The following RERE variants were observed in gnomAD, a reference collection of about 807,000 sequenced individuals.
The protein encoded by RERE is arginine-glutamic acid dipeptide repeats protein.
Under a neutral mutation model 146.1 loss-of-function variants are expected in RERE, and 40 were observed. The ratio of observed to expected loss-of-function variants is 0.27; its 90% CI spans 0.21 to 0.36. RERE has a LOEUF of 0.36. Among genes scored for constraint, RERE ranks in the 10% least tolerant of loss-of-function variants. The probability of loss-of-function intolerance (pLI) is 1.00; values close to 1 mark genes in which losing one functional copy is unlikely to be tolerated. For missense variants in RERE, 1,933 were observed against 2,138.7 expected, an observed-to-expected ratio of 0.90 and a Z score of 1.90; for synonymous variants, 1,003 against 866.0, an observed-to-expected ratio of 1.16 and a Z score of -2.78.
At position 8,360,858 on chromosome 1, in the gene RERE, G is replaced by C. The variant is rs998501260; in HGVS notation, c.2649C>G (p.Ala883=). The change falls in exon 18 of 23, where the codon GCC becomes GCG. Residue 883 remains alanine, a synonymous_variant. Coordinates refer to ENST00000400908, the MANE Select transcript of RERE (RefSeq NM_001042681.2). Reference sequence around the variant, plus strand: ...CTGCTGCTGGGGAGGTCCCCAGAGGGGCCTGGCCTTGGGAGGCCTGGGGAG... The same window carrying C: ...CTGCTGCTGGGGAGGTCCCCAGAGGCGCCTGGCCTTGGGAGGCCTGGGGAG... ...GLPPQASQGQ[A]PLGTSPAAAY... The C allele has an allele frequency of 1.3e-6, 2 of 1,534,848 alleles. No individual in the cohort carries two copies. Among genetic ancestry groups the C allele is most frequent in the Non-Finnish European group, 1.7e-6 (2 of 1,146,364 alleles).
chr1:8,541,156 C>A, intron 7 of RERE, 58 bp downstream of exon 7: 2 of 946,078 alleles, frequency 2.1e-6, no homozygotes. Context: ...CATACACACA[C>A]ACACAAATGA....
Position 8,371,759 on chromosome 1 carries a change from C to T in RERE, c.1285-5785G>A, listed in dbSNP as rs757018752. On this transcript the variant is annotated intron_variant, in intron 12 of 22. Transcript: ENST00000400908. ...CAATCTGGGCTGGAGCAACAGGGGCCGGGGCTGCCTACCTCCTAGAGGCTG... is the reference window on the plus strand; with the variant it reads ...CAATCTGGGCTGGAGCAACAGGGGCTGGGGCTGCCTACCTCCTAGAGGCTG... Among the ~76,000 whole-genome samples the T allele has an allele frequency of 3.3e-4, 50 of 152,334 alleles. No individual in the cohort carries two copies. In the Middle Eastern group the frequency reaches 0.01, roughly 31 times the overall value.
chr1:8,757,041 G>T (rs1235433923), intron 1 of RERE, among the ~76,000 whole-genome samples: 1 of 137,480 alleles, frequency 7.3e-6, no homozygotes, highest in African/African-American at 2.7e-5. Flanking sequence ...ATTGAGCCGA[G>T]ATTGTGCCAT....
At position 8,423,688 on chromosome 1, in the gene RERE, G is replaced by A. The variant is rs1196193851; in HGVS notation, c.1204-881C>T. ...GCTCCACAAAGCGCAGGGCGGAGGC[G>A]GCCGCGGGTGGCTCGGCGTGTGACC... On this transcript the variant is annotated intron_variant, in intron 11 of 22. Transcript: ENST00000400908. The surrounding 1 kb of genome is among the most constrained non-coding windows in gnomAD (Gnocchi z 5.4). The A allele has an allele frequency of 4.1e-6, 4 of 982,748 alleles. No homozygotes were observed. The highest frequency in any genetic ancestry group is 6.2e-5 in the Admixed American group (1 of 16,002). The allele number at this position is 982,748 out of a possible 1,614,324, so 60.9% of individuals were successfully genotyped here. A position where few individuals can be genotyped will look rare whatever the true frequency, so the allele number is the denominator to read the frequency against.
At position 8,355,437 on chromosome 1, in the gene RERE, C is replaced by T. The variant is rs1641250761; in HGVS notation, c.4649G>A (p.Ser1550Asn). The change falls in exon 22 of 23, where the codon AGT (serine) becomes AAT (asparagine). Residue 1550 changes from serine (S) to asparagine (N), a missense_variant. Around this residue, in one of 11 missense-constraint regions of RERE, gnomAD observed 133 missense variants for 168.6 expected, o/e 0.79. Coordinates refer to ENST00000400908, the MANE Select transcript of RERE (RefSeq NM_001042681.2). ...HPHMHGGHLP[S>N]QEDYYSRLKK... ...ACCTCACCTGTAATAATCTTCCTGA[C>T]TTGGTAGGTGGCCACCATGCATGTG... is the stretch of plus-strand genomic sequence containing the variant. The T allele has an allele frequency of 1.2e-6, 2 of 1,613,112 alleles. No individual in the cohort carries two copies. The highest frequency in any genetic ancestry group is 1.7e-6 in the Non-Finnish European group (2 of 1,179,998).
Position 8,656,040 on chromosome 1 carries a change from A to G in RERE, c.258T>C (p.Tyr86=). Residue 86 remains tyrosine (Y), a synonymous_variant, in exon 2 of 23, where the codon TAT becomes TAC. Transcript: ENST00000400908. ...KKKPPKKKSR[Y]ERTDTGEITS... ...TTATCTCACCGGTATCTGTCCTTTC[A>G]TAACGAGACTTTTTTTTCGGTGGTT... is the stretch of plus-strand genomic sequence containing the variant. 2 of 1,614,056 alleles carry G rather than the reference A, an allele frequency of 1.2e-6. No homozygotes were observed. Among genetic ancestry groups the G allele is most frequent in the Admixed American group, 1.7e-5 (1 of 60,004 alleles).
intron 1 of RERE, among the ~76,000 whole-genome samples, chr1:8,693,646 T>C (rs1639257640): frequency 1.3e-5 from 2 of 152,176 alleles, no homozygotes; most frequent in Admixed American, 6.5e-5. Context: ...GTAAAGACTC[T>C]TCTATATGAT....
intron 12 of RERE, among the ~76,000 whole-genome samples, chr1:8,386,235 C>T (rs1642677995): frequency 6.6e-6 from 1 of 150,582 alleles, no homozygotes; most frequent in Admixed American, 6.6e-5. Flanking sequence ...TCTTTAGAAT[C>T]AGAGAGACCA....
chr1:8,814,382 T>C (rs1641871640), intron 1 of RERE, among the ~76,000 whole-genome samples: 1 of 152,242 alleles, frequency 6.6e-6, no homozygotes, highest in Non-Finnish European at 1.5e-5. Context: ...TGCACCTTAG[T>C]TTACAAGCCT....
At chr1:8,793,008 T>C (rs191066202) in intron 1 of RERE, among the ~76,000 whole-genome samples, 23 of 151,714 alleles carry the variant, frequency 1.5e-4, no homozygotes, top group Admixed American at 3.3e-4. Flanking sequence ...AATACAAAAA[T>C]TAGCTGGGCA....
At chr1:8,715,740 C>CA (rs1207116234) in intron 1 of RERE, among the ~76,000 whole-genome samples, 1 of 151,880 alleles carries the variant, frequency 6.6e-6, no homozygotes, top group Non-Finnish European at 1.5e-5. Flanking sequence ...CTTGTCTCTA[C>CA]AAAAAATACA....
At chr1:8,586,184 G>A (rs1284529899) in intron 4 of RERE, among the ~76,000 whole-genome samples, 1 of 152,204 alleles carries the variant, frequency 6.6e-6, no homozygotes, top group Non-Finnish European at 1.5e-5. Context: ...GCAACGCAGC[G>A]AGAGATCTGC....
chr1:8,620,424 C>T (rs1187422522), intron 3 of RERE, among the ~76,000 whole-genome samples: 4 of 152,182 alleles, frequency 2.6e-5, no homozygotes, highest in Non-Finnish European at 4.4e-5. Context: ...CTATGCCAGC[C>T]CTAACCTTGC....
In RERE at chr1:8,815,866, T is replaced by C. The variant is rs556941159; in HGVS notation, c.-145+1294A>G. On this transcript the variant is annotated intron_variant, in intron 1 of 22. Transcript: ENST00000400908. Reference sequence around the variant, plus strand: ...GTATGTGTGTGTGTGTGTGTGTATATGTGTGTCTGTCTGCCTCTGCCTCTT... The same window carrying C: ...GTATGTGTGTGTGTGTGTGTGTATACGTGTGTCTGTCTGCCTCTGCCTCTT... Among the ~76,000 whole-genome samples, 99 of 151,934 alleles carry C rather than the reference T, an allele frequency of 6.5e-4. 1 individual carries two copies. Among genetic ancestry groups the C allele is most frequent in the African/African-American group, 2.3e-3 (97 of 41,472 alleles).
rs557606465 is a variant in RERE, at chr1:8,359,808, G to A, written c.3574C>T (p.Arg1192Trp). 12 of 1,604,454 alleles carry A rather than the reference G, an allele frequency of 7.5e-6. No homozygotes were observed. Among genetic ancestry groups the A allele is most frequent in the Non-Finnish European group, 7.6e-6 (9 of 1,179,066 alleles). Reference sequence around the variant, plus strand: ...CGCTCCCGCTCTCGCTCCCGCTCCCGCTCCTTCTCCTTCTCCTTCTCCCGC... The same window carrying A: ...CGCTCCCGCTCTCGCTCCCGCTCCCACTCCTTCTCCTTCTCCTTCTCCCGC... ...REREKEKEKEREREREREREA... is the reference protein window; with the variant it reads ...REREKEKEKEWEREREREREA... Residue 1192 changes from arginine to tryptophan, a missense_variant, in exon 19 of 23, where the codon CGG (arginine) becomes TGG (tryptophan). Coordinates refer to ENST00000400908, the MANE Select transcript of RERE (RefSeq NM_001042681.2).
At chr1:8,541,097 A>T in intron 7 of RERE, 117 bp downstream of exon 7, 1 of 462,446 alleles carries the variant, frequency 2.2e-6, no homozygotes, top group Non-Finnish European at 3.8e-6. Context: ...CATTTTTTTT[A>T]AGTATGTTAC....
chr1:8,469,583 A>G (rs1644652988), intron 10 of RERE, among the ~76,000 whole-genome samples: 1 of 152,206 alleles, frequency 6.6e-6, no homozygotes, highest in Non-Finnish European at 1.5e-5. Context: ...AGATCGTGCC[A>G]CTGCACTCCA....
rs1194310212 is a variant in RERE, at chr1:8,556,489, A to G, written c.711T>C (p.His237=). 2.5e-6 allele frequency: 4 copies of G among 1,599,588 alleles called. No individual in the cohort carries two copies. The highest frequency in any genetic ancestry group is 3.4e-6 in the Non-Finnish European group (4 of 1,166,944). The change falls in exon 6 of 23, where the codon CAT becomes CAC. Residue 237 remains histidine, a synonymous_variant. Coordinates refer to ENST00000400908, the MANE Select transcript of RERE (RefSeq NM_001042681.2). ...CCAGTACTTACCTAAGGGCAGCAGC[A>G]TGGTAAGTGTCAACGTAATCAGAAA... ...LFISDYVDTY[H]AAALRGKCNI...
Position 8,405,602 on chromosome 1 carries a change from C to T in RERE, c.1284+17125G>A, listed in dbSNP as rs146103034. Among the ~76,000 whole-genome samples the T allele has an allele frequency of 3.5e-4, 53 of 152,206 alleles. 1 individual carries two copies. The highest frequency in any genetic ancestry group is 3.5e-3 in the East Asian group (18 of 5,190). On this transcript the variant is annotated intron_variant, in intron 12 of 22. Coordinates refer to ENST00000400908, the MANE Select transcript of RERE (RefSeq NM_001042681.2). ...ACAGTCGGAAGAATATGGGCCAAAA[C>T]GTTAATTAGTGGCCATCTCTTAGTG...
Sources: gnomAD v4.1 joint callset for allele counts (sites outside exome capture counted in the v4.1 genomes callset) on GRCh38, gnomAD v4.1.1 for gene constraint, gnomAD v4.1.1 regional missense constraint, Gnocchi (gnomAD v3.1) non-coding constraint, MANE v1.5 for transcripts, NCBI Gene and HGNC (gene_info 2026-07-23, HGNC 2026-07-21) for gene names.